Variants in DNAH17 observed in about 807,000 individuals in gnomAD.
DNAH17 encodes dynein axonemal heavy chain 17, also known as axonemal beta dynein heavy chain 17.
DNAH17 carries 376 observed loss-of-function variants against 485.6 expected under a neutral mutation model. That is an observed-to-expected ratio of 0.77 (90% CI 0.71 to 0.84). DNAH17 has a LOEUF of 0.84. Among genes scored for constraint, DNAH17 ranks in the 40% least tolerant of loss-of-function variants. DNAH17 has a pLI of 0.00. For missense variants in DNAH17, 6,370 were observed against 5,839.3 expected, an observed-to-expected ratio of 1.09 and a Z score of -2.96; for synonymous variants, 3,031 against 2,405.9, an observed-to-expected ratio of 1.26 and a Z score of -7.60.
Position 78,424,136 on chromosome 17 carries a change from G to A in DNAH17, c.13159C>T (p.Gln4387Ter), listed in dbSNP as rs1214635682. ...CGCGCTTCAGCGATGACTCCAGTCT[G>A]GGTGTCCCAGCGAGCCCCTGCAGGG... ...LFMEGARWDT[Q>*]TGVIAEARLK... The change falls in exon 81 of 81, where the codon CAG (glutamine) becomes TAG (stop). Residue 4387 changes from glutamine to a stop codon, truncating the protein, a stop_gained. Transcript: ENST00000389840. LOFTEE classifies it high-confidence loss of function. 1 of 1,611,970 alleles carries A rather than the reference G, an allele frequency of 6.2e-7. No homozygotes were observed. The highest frequency in any genetic ancestry group is 1.7e-5 in the Admixed American group (1 of 59,986).
At chr17:78,460,333 T>C in intron 58 of DNAH17, 76 bp from the exon 59 acceptor site, 1 of 866,320 alleles carries the variant, frequency 1.2e-6, no homozygotes, top group Non-Finnish European at 1.8e-6. Context: ...TGCATGTGTG[T>C]GCATGTGTGT....
chr17:78,528,796 T>G (rs1275444093), intron 22 of DNAH17, among the ~76,000 whole-genome samples: 1 of 152,052 alleles, frequency 6.6e-6, no homozygotes, highest in Non-Finnish European at 1.5e-5. Flanking sequence ...TCAAGTGCTG[T>G]GCAAACGCAG....
chr17:78,499,232 C>A, intron 36 of DNAH17, 120 bp from the exon 37 acceptor site: 1 of 690,456 alleles, frequency 1.4e-6, no homozygotes, highest in Non-Finnish European at 2.3e-6. Context: ...GCTCAGGCCC[C>A]GGTGCATTGG....
intron 27 of DNAH17, 112 bp from the exon 28 acceptor site, chr17:78,507,917 G>C: frequency 3.8e-6 from 4 of 1,054,860 alleles, no homozygotes; most frequent in South Asian, 3.4e-5. Flanking sequence ...AAGCAAAAAG[G>C]CTCAAACCAA....
rs1353551446 is a variant in DNAH17, at chr17:78,502,890, G to A, written c.5078C>T (p.Ala1693Val). ...PREQWILDYP[A>V]QVALTCTQIW... ...GAGCCCCCACCCGCCTCAGACCTGG[G>A]CTGGGTAGTCCAGGATCCACTGCTC... The change falls in exon 32 of 81, where the codon GCC becomes GTC. Residue 1693 changes from alanine to valine, a missense_variant. Transcript: ENST00000389840. 4 of 1,613,820 alleles carry A rather than the reference G, an allele frequency of 2.5e-6. No homozygotes were observed. The highest frequency in any genetic ancestry group is 2.2e-5 in the East Asian group (1 of 44,866).
At chr17:78,576,771 G>A (rs549106417) in intron 1 of DNAH17, among the ~76,000 whole-genome samples, 26 of 152,298 alleles carry the variant, frequency 1.7e-4, no homozygotes, top group Admixed American at 1.1e-3. Flanking sequence ...TTCCAAGAAC[G>A]GCATGGGGTG....
At chr17:78,538,138 CAAAAAAAAAA>C (rs60460125) in intron 18 of DNAH17, among the ~76,000 whole-genome samples, 8 of 106,284 alleles carry the variant, frequency 7.5e-5, no homozygotes, top group Admixed American at 2.2e-4. Flanking sequence ...ACTCTGTCTC[CAAAAAAAAAA>C]AAAAAAAAAA....
At chr17:78,489,012 T>G (rs968081976) in intron 44 of DNAH17, among the ~76,000 whole-genome samples, 2 of 152,124 alleles carry the variant, frequency 1.3e-5, no homozygotes, top group African/African-American at 4.8e-5. Flanking sequence ...TGTCTGTTGT[T>G]TGAAGCTGCC....
intron 16 of DNAH17, among the ~76,000 whole-genome samples, chr17:78,544,800 C>CA (rs55669221): frequency 0.27 from 12,349 of 46,476 alleles, 2,774 homozygotes; most frequent in Non-Finnish European, 0.37. Context: ...GACTCAGTCT[C>CA]AAAAAAAAAA....
rs2087451004 is a variant in DNAH17, at chr17:78,449,439, AT to A, written c.11185del (p.Ile3729PhefsTer13). On this transcript the variant is annotated frameshift_variant, in exon 69 of 81. Coordinates refer to ENST00000389840, the MANE Select transcript of DNAH17 (RefSeq NM_173628.4). LOFTEE classifies it high-confidence loss of function. The stretch of plus-strand genomic sequence containing the variant: ...CTGAAACGTAACTTGTGCCAGGAAA[AT>A]GAGTTTGTCCCTCTCGAAGAGTCCC... Reference protein sequence around the residue: ...ARGLFERDKLIFLAQVTFQVL... With the variant: ...ARGLFERDKLXFLAQVTFQVL... 6.4e-7 allele frequency: 1 copy of A among 1,550,748 alleles called. No homozygotes were observed.
intron 51 of DNAH17, 36 bp downstream of exon 51, chr17:78,478,989 T>G: frequency 6.3e-7 from 1 of 1,591,832 alleles, no homozygotes. Flanking sequence ...CACTGGACCG[T>G]AAGGCAGGCA....
chr17:78,452,912 C>G (rs1411328234), intron 65 of DNAH17, among the ~76,000 whole-genome samples: 4 of 152,142 alleles, frequency 2.6e-5, no homozygotes, highest in Non-Finnish European at 5.9e-5. Context: ...ACAGGGCTTC[C>G]TTTCGGGGTG....
At chr17:78,567,762 G>T (rs62075942) in intron 9 of DNAH17, among the ~76,000 whole-genome samples, 1 of 152,192 alleles carries the variant, frequency 6.6e-6, no homozygotes, top group Non-Finnish European at 1.5e-5. Flanking sequence ...CCTTCCCAGG[G>T]GCCCGGTCTC....
chr17:78,449,634 T>TCACCACTCCCCGC (rs767992446), intron 68 of DNAH17, 50 bp from the exon 69 acceptor site: 16 of 1,533,856 alleles, frequency 1.0e-5, no homozygotes, highest in Non-Finnish European at 1.4e-5. Context: ...ATGGAGCCCT[T>TCACCACTCCCCGC]CACCACTCCC....
intron 37 of DNAH17, among the ~76,000 whole-genome samples, chr17:78,497,650 G>C (rs2090122693): frequency 6.6e-6 from 1 of 152,214 alleles, no homozygotes. Flanking sequence ...CATTCTCTTG[G>C]TCATGGGGCC....
rs775067071 is a variant in DNAH17, at chr17:78,575,033, G to C, written c.25C>G (p.Leu9Val). 1.2e-6 allele frequency: 2 copies of C among 1,613,660 alleles called. No homozygotes were observed. The highest frequency in any genetic ancestry group is 1.7e-6 in the Non-Finnish European group (2 of 1,179,746). ...GAGGCAACTTCCTCCAGATACTCTA[G>C]TCTGACGTCCGGGGCCATTGTCATC... Reference protein sequence around the residue: MTMAPDVRLEYLEEVASIV... With the variant: MTMAPDVRVEYLEEVASIV... The change falls in exon 2 of 81, where the codon CTA (leucine) becomes GTA (valine). Residue 9 changes from leucine (L) to valine (V), a missense_variant. By Grantham distance (32) the Leu-to-Val change is conservative. Transcript: ENST00000389840.
At position 78,572,654 on chromosome 17, in the gene DNAH17, G is replaced by A. The variant is rs1438274462; in HGVS notation, c.539+47C>T. On this transcript the variant is annotated intron_variant, in intron 3 of 80. Transcript: ENST00000389840. The stretch of plus-strand genomic sequence containing the variant: ...GGTGGGGGGTGGGGGTCAAGCATGT[G>A]CCTCTTCCCCACCCAGCGGCAGCCG... The A allele has an allele frequency of 3.3e-6, 5 of 1,514,222 alleles. No individual in the cohort carries two copies. The South Asian group carries it at 5.1e-5, about 15-fold the overall frequency. The allele number at this position is 1,514,222 out of a possible 1,614,324, so 93.8% of individuals were successfully genotyped here.
chr17:78,451,155 G>A (rs1400896511), intron 66 of DNAH17, among the ~76,000 whole-genome samples: 2 of 152,276 alleles, frequency 1.3e-5, no homozygotes, highest in Admixed American at 1.3e-4. Flanking sequence ...AGGGCTGGCA[G>A]CCAGGCCATT....
chr17:78,569,260 G>A lies in DNAH17; in HGVS notation c.1198-8C>T. ...AGGCACGGGCTCTTTGTCCTTAGAGGAGAGAAAGAGAGATGAGGCCACGTT... is the reference window on the plus strand; with the variant it reads ...AGGCACGGGCTCTTTGTCCTTAGAGAAGAGAAAGAGAGATGAGGCCACGTT... On this transcript the variant is annotated splice_region_variant and splice_polypyrimidine_tract_variant and intron_variant, in intron 8 of 80. Coordinates refer to ENST00000389840, the MANE Select transcript of DNAH17 (RefSeq NM_173628.4). 6.3e-7 allele frequency: 1 copy of A among 1,599,120 alleles called. No individual in the cohort carries two copies. Among genetic ancestry groups the A allele is most frequent in the Non-Finnish European group, 8.5e-7 (1 of 1,172,604 alleles).
Sources: allele counts gnomAD v4.1 joint callset (sites outside exome capture counted in the v4.1 genomes callset), GRCh38; gene constraint gnomAD v4.1.1; transcripts MANE v1.5; gene names NCBI Gene and HGNC (gene_info 2026-07-23, HGNC 2026-07-21).